The following BAHD1 variants were observed in gnomAD, a reference collection of about 807,000 sequenced individuals.
The protein encoded by BAHD1 is bromo adjacent homology domain-containing 1 protein.
A neutral mutation model predicts 63.1 loss-of-function variants in BAHD1; 20 were observed. That is an observed-to-expected ratio of 0.32 (90% CI 0.22 to 0.46). The LOEUF (loss-of-function observed/expected upper bound fraction) is 0.46. Among genes scored for constraint, BAHD1 ranks in the 20% least tolerant of loss-of-function variants. The probability of loss-of-function intolerance (pLI) is 1.00; values close to 1 mark genes in which losing one functional copy is unlikely to be tolerated. For synonymous variants in BAHD1, 408 were observed against 426.8 expected, an observed-to-expected ratio of 0.96 and a Z score of 0.54; for missense variants, 939 against 1,071.8, an observed-to-expected ratio of 0.88 and a Z score of 1.73.
At chr15:40,437,538 C>T (rs1893297610), upstream of BAHD1, among the ~76,000 whole-genome samples, 1 of 152,246 alleles carries the variant, frequency 6.6e-6, no homozygotes, top group African/African-American at 2.4e-5. Context: ...CCCCAAAGAG[C>T]TGTGCCCTTC....
intron 1 of BAHD1, among the ~76,000 whole-genome samples, chr15:40,449,814 C>CAA (rs1053414532): frequency 0.025 from 1,404 of 55,074 alleles, 30 homozygotes; most frequent in African/African-American, 0.083. Flanking sequence ...GACCCTGTCT[C>CAA]AAAAAAAAAA....
upstream of BAHD1, among the ~76,000 whole-genome samples, chr15:40,437,452 A>AC (rs930898240): frequency 1.3e-4 from 20 of 151,890 alleles, no homozygotes; most frequent in Middle Eastern, 0.01. Flanking sequence ...TTATTCCCCC[A>AC]CCCCCCAGGG....
intron 2 of BAHD1, 91 bp from the exon 3 acceptor site, chr15:40,461,821 A>C: frequency 6.8e-7 from 1 of 1,475,118 alleles, no homozygotes; most frequent in Non-Finnish European, 9.1e-7. Flanking sequence ...TTGGTTGCAC[A>C]GTTAGAATTA....
chr15:40,451,351 G>A (rs892058992), intron 1 of BAHD1, among the ~76,000 whole-genome samples: 1 of 152,166 alleles, frequency 6.6e-6, no homozygotes, highest in African/African-American at 2.4e-5. Context: ...GCCTTGGGGG[G>A]ACCCCTCAGC....
In BAHD1 at chr15:40,459,750, A is replaced by T. The variant is rs1056769623; in HGVS notation, c.1286A>T (p.Gln429Leu). ...TCAGTGCCCTCAGGCACCCCTTTCCAGCACCCTCCCTGGGGCTCCTCTCGC... is the reference window on the plus strand; with the variant it reads ...TCAGTGCCCTCAGGCACCCCTTTCCTGCACCCTCCCTGGGGCTCCTCTCGC... ...PSSVPSGTPF[Q>L]HPPWGSSRYC... The change falls in exon 2 of 7, where the codon CAG (glutamine) becomes CTG (leucine). Residue 429 changes from glutamine to leucine, a missense_variant. Transcript: ENST00000416165. 8.7e-6 allele frequency: 14 copies of T among 1,613,818 alleles called. No individual in the cohort carries two copies. Among genetic ancestry groups the T allele is most frequent in the Non-Finnish European group, 1.0e-5 (12 of 1,180,012 alleles).
chr15:40,465,424 C>A lies in BAHD1; in HGVS notation c.2142C>A (p.Ala714=), dbSNP rs540992135. The A allele has an allele frequency of 3.1e-6, 5 of 1,614,042 alleles. No individual in the cohort carries two copies. Among genetic ancestry groups the A allele is most frequent in the Non-Finnish European group, 4.2e-6 (5 of 1,179,936 alleles). The change falls in exon 6 of 7, where the codon GCC becomes GCA. Residue 714 remains alanine, a synonymous_variant. Coordinates refer to ENST00000416165, the MANE Select transcript of BAHD1 (RefSeq NM_014952.5). ...IEEKCYVLTF[A]EYCRFCAMAK... is the part of the protein sequence containing the mutation. ...AGAAGTGCTATGTGCTGACTTTTGC[C>A]GAGTACTGCAGGTAGGTGGTTCCCT...
chr15:40,452,394 C>T (rs374356217), intron 1 of BAHD1, among the ~76,000 whole-genome samples: 18 of 152,348 alleles, frequency 1.2e-4, no homozygotes, highest in Admixed American at 8.5e-4. Context: ...ACAGGCAGGA[C>T]GCACACCTTC....
intron 1 of BAHD1, among the ~76,000 whole-genome samples, chr15:40,457,766 G>A (rs1167079644): frequency 6.6e-6 from 1 of 152,186 alleles, no homozygotes; most frequent in African/African-American, 2.4e-5. Context: ...TCCCAGCACT[G>A]TGGGAGGCCG....
intron 1 of BAHD1, among the ~76,000 whole-genome samples, chr15:40,448,213 G>A (rs1369290594): frequency 7.3e-5 from 11 of 151,262 alleles, no homozygotes; most frequent in Admixed American, 7.3e-4. Flanking sequence ...CTGCACTCTA[G>A]CCTGGATGAC....
At chr15:40,437,478 G>C (rs1262349603), upstream of BAHD1, among the ~76,000 whole-genome samples, 5 of 152,236 alleles carry the variant, frequency 3.3e-5, no homozygotes, top group African/African-American at 1.2e-4. Flanking sequence ...CTATGATGGG[G>C]GAGGGGGCAA....
rs1330888110 is a variant in BAHD1, at chr15:40,459,899, G to A, written c.1432+3G>A. The A allele has an allele frequency of 6.4e-7, 1 of 1,571,414 alleles. No individual in the cohort carries two copies. The highest frequency in any genetic ancestry group is 1.8e-5 in the Admixed American group (1 of 57,076). On this transcript the variant is annotated splice_donor_region_variant and intron_variant, in intron 2 of 6. Coordinates refer to ENST00000416165, the MANE Select transcript of BAHD1 (RefSeq NM_014952.5). ...ATACAAAATGCCTTTTGCAGCAGGT[G>A]AGGCTTCCTGGGCCCAAGATGTACT...
rs548588430 is a variant in BAHD1, at chr15:40,441,852, G to A, written c.-15+584G>A. ...CTGACCGGTTATTGCTGGATGGGGGGCAGGGGATGAGGGCCGCGCCGGGCC... is the reference window on the plus strand; with the variant it reads ...CTGACCGGTTATTGCTGGATGGGGGACAGGGGATGAGGGCCGCGCCGGGCC... On this transcript the variant is annotated intron_variant, in intron 1 of 6. Coordinates refer to ENST00000416165, the MANE Select transcript of BAHD1 (RefSeq NM_014952.5). Among the ~76,000 whole-genome samples, 427 of 149,982 alleles carry A rather than the reference G, an allele frequency of 2.8e-3. 2 individuals carry two copies. The highest frequency in any genetic ancestry group is 0.01 in the African/African-American group (411 of 40,804).
At chr15:40,449,314 C>T (rs1486419987) in intron 1 of BAHD1, among the ~76,000 whole-genome samples, 1 of 152,210 alleles carries the variant, frequency 6.6e-6, no homozygotes, top group Non-Finnish European at 1.5e-5. Flanking sequence ...AAATTTCCAA[C>T]CCTGCACACT....
rs1441688464 is a variant in BAHD1 at position 40,458,131 on chromosome 15, A to G, written c.-14-320A>G. ...AGTGAGAGAAGGACAGGGGGAGAGA[A>G]CAAAGAGCTTTGCCACCAGCTCCTC... On this transcript the variant is annotated intron_variant, in intron 1 of 6. Transcript: ENST00000416165. The surrounding 1 kb of genome is among the most constrained non-coding windows in gnomAD (Gnocchi z 4.7). 6.6e-6 allele frequency among the ~76,000 whole-genome samples: 1 copy of G among 152,194 alleles called. No individual in the cohort carries two copies. Among genetic ancestry groups the G allele is most frequent in the Non-Finnish European group, 1.5e-5 (1 of 68,014 alleles).
intron 1 of BAHD1, among the ~76,000 whole-genome samples, chr15:40,456,733 A>G (rs1456946921): frequency 6.6e-6 from 1 of 152,154 alleles, no homozygotes; most frequent in Non-Finnish European, 1.5e-5. Context: ...CACAGCAGGG[A>G]CTGCTCTCAG....
Position 40,466,036 on chromosome 15 carries a change from G to A in BAHD1, c.2249G>A (p.Arg750His). The A allele has an allele frequency of 1.2e-6, 2 of 1,614,070 alleles. No homozygotes were observed. Among genetic ancestry groups the A allele is most frequent in the Non-Finnish European group, 1.7e-6 (2 of 1,179,960 alleles). The part of the protein sequence containing the change: ...PSADYSTPPH[R>H]TVPEDTDPEL... The stretch of plus-strand genomic sequence containing the variant: ...GCAGACTATTCCACCCCACCCCACC[G>A]CACAGTGCCAGAGGACACGGACCCT... Residue 750 changes from arginine to histidine, a missense_variant, in exon 7 of 7, where the codon CGC becomes CAC. Coordinates refer to ENST00000416165, the MANE Select transcript of BAHD1 (RefSeq NM_014952.5).
At chr15:40,445,627 G>A (rs1893520327) in intron 1 of BAHD1, among the ~76,000 whole-genome samples, 1 of 152,222 alleles carries the variant, frequency 6.6e-6, no homozygotes. Flanking sequence ...AAGGCTGCCA[G>A]GCGAAGCTGC....
Position 40,461,951 on chromosome 15 carries a change from C to T in BAHD1, c.1472C>T (p.Pro491Leu), listed in dbSNP as rs763985087. ...CTGGGCCAGTTGGAATTTCCTCTCC[C>T]GGAAGCTGGCCACCCAGCCTCACCC... is the stretch of plus-strand genomic sequence containing the variant. ...RSLGQLEFPLPEAGHPASPAH... is the reference protein window; with the variant it reads ...RSLGQLEFPLLEAGHPASPAH... The change falls in exon 3 of 7, where the codon CCG becomes CTG. Residue 491 changes from proline (P) to leucine (L), a missense_variant. Physicochemically the swap from Pro to Leu is moderately conservative, Grantham distance 98. Coordinates refer to ENST00000416165, the MANE Select transcript of BAHD1 (RefSeq NM_014952.5). The T allele has an allele frequency of 3.7e-5, 60 of 1,609,584 alleles. No homozygotes were observed. Among genetic ancestry groups the T allele is most frequent in the African/African-American group, 1.2e-4 (9 of 74,958 alleles).
chr15:40,449,810 G>A (rs1283920337), intron 1 of BAHD1, among the ~76,000 whole-genome samples: 3 of 135,906 alleles, frequency 2.2e-5, no homozygotes, highest in African/African-American at 8.5e-5. Context: ...GCAAGACCCT[G>A]TCTCAAAAAA....
Sources: allele counts gnomAD v4.1 joint callset (sites outside exome capture counted in the v4.1 genomes callset), GRCh38; gene constraint gnomAD v4.1.1; non-coding constraint Gnocchi (gnomAD v3.1); transcripts MANE v1.5; gene names NCBI Gene and HGNC (gene_info 2026-07-23, HGNC 2026-07-21).